Variants in NTNG1 observed in about 807,000 individuals in gnomAD.
The protein encoded by NTNG1 is netrin G1, also known as netrin-G1.
In NTNG1, 16 loss-of-function variants were observed where a neutral mutation model predicts 54.0. The observed-to-expected ratio is 0.30, with a 90% confidence interval of 0.20 to 0.45. The LOEUF is 0.45. NTNG1 is among the 20% of genes least tolerant of loss of function. The probability of loss-of-function intolerance (pLI) is 1.00; values close to 1 mark genes in which losing one functional copy is unlikely to be tolerated. For missense variants in NTNG1, 530 were observed against 678.7 expected (o/e 0.78, Z 2.43); for synonymous variants, 255 against 263.1 (o/e 0.97, Z 0.30).
At chr1:107,376,488 A>G (rs1671270082) in intron 3 of NTNG1, among the ~76,000 whole-genome samples, 1 of 152,180 alleles carries the variant, frequency 6.6e-6, no homozygotes, top group Non-Finnish European at 1.5e-5. Flanking sequence ...AGAGGCATTA[A>G]GAAAATTGTC....
chr1:107,169,405 TTGTAA>T (rs1221334183), intron 2 of NTNG1, among the ~76,000 whole-genome samples: 2 of 152,120 alleles, frequency 1.3e-5, no homozygotes, highest in Non-Finnish European at 2.9e-5. Context: ...AAGTCTAGAC[TTGTAA>T]TGTAGCCATC....
At chr1:107,264,487 C>T (rs552258468) in intron 2 of NTNG1, among the ~76,000 whole-genome samples, 2 of 152,260 alleles carry the variant, frequency 1.3e-5, no homozygotes, top group South Asian at 4.1e-4. Context: ...CCCATCCTTC[C>T]CTATGAAGTT....
intron 2 of NTNG1, among the ~76,000 whole-genome samples, chr1:107,292,295 G>A (rs2101768495): frequency 6.6e-6 from 1 of 152,250 alleles, no homozygotes; most frequent in South Asian, 2.1e-4. Context: ...AGGGGCATAA[G>A]GCAGGCAGAA....
At chr1:107,273,542 C>A (rs1354031996) in intron 2 of NTNG1, among the ~76,000 whole-genome samples, 1 of 152,154 alleles carries the variant, frequency 6.6e-6, no homozygotes, top group African/African-American at 2.4e-5. Context: ...GAAACAGCAG[C>A]CATGCTTGCT....
chr1:107,379,899 C>T (rs879541232), intron 3 of NTNG1, among the ~76,000 whole-genome samples: 1 of 152,154 alleles, frequency 6.6e-6, no homozygotes, highest in Non-Finnish European at 1.5e-5. Context: ...GAAAGAACAT[C>T]AATAAAGATG....
chr1:107,477,405 C>T (rs1678399943), intron 7 of NTNG1, among the ~76,000 whole-genome samples: 1 of 152,224 alleles, frequency 6.6e-6, no homozygotes, highest in South Asian at 2.1e-4. Flanking sequence ...TCTTCCATGC[C>T]TCCTACTTTC....
intron 2 of NTNG1, among the ~76,000 whole-genome samples, chr1:107,224,266 C>T (rs17448168): frequency 0.043 from 6,582 of 152,186 alleles, 182 homozygotes; most frequent in Middle Eastern, 0.071. Context: ...CCTAACCTTA[C>T]CTGAAGATCT....
upstream of NTNG1, among the ~76,000 whole-genome samples, chr1:107,140,508 C>T (rs746141299): frequency 1.5e-4 from 23 of 151,942 alleles, no homozygotes; most frequent in Non-Finnish European, 2.5e-4. Flanking sequence ...GGGTGCGTCG[C>T]GTCTCACTGC....
In NTNG1 at chr1:107,484,467, A is replaced by T. The variant is rs1243166782; in HGVS notation, c.*3627A>T. On this transcript the variant is annotated 3_prime_UTR_variant, in exon 8 of 8. Transcript: ENST00000370068. ...ACTTTTAAATACTTAGACATGTGGC[A>T]TGGGGTCCTCCATTGGTACTTTTGC... Among the ~76,000 whole-genome samples the T allele has an allele frequency of 6.6e-6, 1 of 152,192 alleles. No individual in the cohort carries two copies.
At chr1:107,400,674 G>A (rs554850647) in intron 4 of NTNG1, among the ~76,000 whole-genome samples, 5 of 146,692 alleles carry the variant, frequency 3.4e-5, no homozygotes, top group South Asian at 2.2e-4. Flanking sequence ...TTGAGATGTA[G>A]TTTTGCTCTT....
rs142615373 is a variant in NTNG1, at chr1:107,366,912, G to A, written c.888-28242G>A. Among the ~76,000 whole-genome samples, 724 of 152,142 alleles carry A rather than the reference G, an allele frequency of 4.8e-3. 8 individuals carry two copies. Among genetic ancestry groups the A allele is most frequent in the African/African-American group, 0.017 (688 of 41,474 alleles). The stretch of plus-strand genomic sequence containing the variant: ...TATTTTAGTATTCCAAGAAGCCTGG[G>A]TTTCTCAGTCAGAGTTACTGTACAA... On this transcript the variant is annotated intron_variant, in intron 3 of 7. Coordinates refer to ENST00000370068, the MANE Select transcript of NTNG1 (RefSeq NM_001113226.3).
chr1:107,361,358 A>AACATATATATAT (rs1270320597), intron 3 of NTNG1, among the ~76,000 whole-genome samples: 4 of 75,618 alleles, frequency 5.3e-5, no homozygotes, highest in African/African-American at 1.6e-4. Context: ...TACATTATAT[A>AACATATATATAT]ACATATATAT....
intron 2 of NTNG1, among the ~76,000 whole-genome samples, chr1:107,262,399 G>C (rs1663415393): frequency 6.6e-6 from 1 of 152,134 alleles, no homozygotes; most frequent in South Asian, 2.1e-4. Flanking sequence ...AATGTGTCAG[G>C]GAGACAAGCA....
chr1:107,414,188 T>A (rs1674038697), intron 5 of NTNG1, among the ~76,000 whole-genome samples: 1 of 152,156 alleles, frequency 6.6e-6, no homozygotes, highest in Non-Finnish European at 1.5e-5. Flanking sequence ...TCTATCATAG[T>A]TTTCTTCAAC....
At chr1:107,343,167 G>C (rs1212730591) in intron 3 of NTNG1, among the ~76,000 whole-genome samples, 1 of 152,038 alleles carries the variant, frequency 6.6e-6, no homozygotes, top group Non-Finnish European at 1.5e-5. Context: ...ATAAAACATG[G>C]GAAAATTAGT....
At chr1:107,158,446 C>G (rs555810722) in intron 2 of NTNG1, among the ~76,000 whole-genome samples, 1 of 152,212 alleles carries the variant, frequency 6.6e-6, no homozygotes, top group African/African-American at 2.4e-5. Flanking sequence ...TTGAAGCTGA[C>G]TTCTAAAATA....
chr1:107,372,475 T>C (rs1178997056), intron 3 of NTNG1, among the ~76,000 whole-genome samples: 1 of 152,108 alleles, frequency 6.6e-6, no homozygotes, highest in African/African-American at 2.4e-5. Flanking sequence ...TGGGGATGTT[T>C]CAGACATTTT....
intron 3 of NTNG1, among the ~76,000 whole-genome samples, chr1:107,362,326 A>G (rs1430147699): frequency 6.6e-6 from 1 of 152,194 alleles, no homozygotes; most frequent in Non-Finnish European, 1.5e-5. Context: ...AGAGTTATGG[A>G]GAAGAGGCTT....
At chr1:107,148,898 T>C in intron 2 of NTNG1, 59 bp downstream of exon 2, 1 of 1,514,666 alleles carries the variant, frequency 6.6e-7, no homozygotes. Flanking sequence ...CGCATATGCA[T>C]ACAGATGTGG....
Sources: allele counts gnomAD v4.1 joint callset (sites outside exome capture counted in the v4.1 genomes callset), GRCh38; gene constraint gnomAD v4.1.1; transcripts MANE v1.5; gene names NCBI Gene and HGNC (gene_info 2026-07-23, HGNC 2026-07-21).